The following ZEB2 variants were observed in gnomAD, a reference collection of about 807,000 sequenced individuals.
ZEB2 encodes zinc finger E-box-binding homeobox 2.
A neutral mutation model predicts 99.9 loss-of-function variants in ZEB2; 6 were observed. The ratio of observed to expected loss-of-function variants is 0.06; its 90% CI spans 0.03 to 0.12. The LOEUF is 0.12. Among genes scored for constraint, ZEB2 ranks in the 10% least tolerant of loss-of-function variants. The probability of loss-of-function intolerance (pLI) is 1.00; values close to 1 mark genes in which losing one functional copy is unlikely to be tolerated. For missense variants in ZEB2, 969 were observed against 1,502.8 expected, an observed-to-expected ratio of 0.64 and a Z score of 5.87; for synonymous variants, 517 against 542.5, an observed-to-expected ratio of 0.95 and a Z score of 0.65.
intron 2 of ZEB2, among the ~76,000 whole-genome samples, chr2:144,478,036 G>A (rs781657458): frequency 6.6e-6 from 1 of 152,078 alleles, no homozygotes; most frequent in Non-Finnish European, 1.5e-5. Context: ...GTTTCATCCC[G>A]TCACCCATGG....
intron 2 of ZEB2, among the ~76,000 whole-genome samples, chr2:144,466,001 T>G (rs1356406809): frequency 1.3e-5 from 2 of 152,142 alleles, no homozygotes; most frequent in Non-Finnish European, 2.9e-5. Context: ...AACTTTCCAG[T>G]CAAGTGGATC....
rs1703067247 is a variant in ZEB2, at chr2:144,385,360, T to TC, written c.*4090_*4091insG. 1.3e-5 allele frequency: 2 copies of TC among 151,370 alleles called. No individual in the cohort carries two copies. The highest frequency in any genetic ancestry group is 2.1e-4 in the South Asian group (1 of 4,834). 9.4% of individuals were successfully genotyped at this position (151,370 alleles called of 1,614,324 possible). On this transcript the variant is annotated 3_prime_UTR_variant, in exon 10 of 10. Coordinates refer to ENST00000627532, the MANE Select transcript of ZEB2 (RefSeq NM_014795.4). ...AAGGGAGCCATAACCTCAGCTGCCC[T>TC]ATAAAATCTATAATAAGGTGGTTTT...
intron 2 of ZEB2, among the ~76,000 whole-genome samples, chr2:144,448,394 G>A (rs768158506): frequency 5.9e-5 from 9 of 152,156 alleles, no homozygotes; most frequent in East Asian, 1.9e-4. Flanking sequence ...AATGCTAAAC[G>A]TTCAAGATGA....
chr2:144,418,848 A>G (rs1374275671), intron 4 of ZEB2, among the ~76,000 whole-genome samples: 1 of 152,124 alleles, frequency 6.6e-6, no homozygotes, highest in East Asian at 1.9e-4. Flanking sequence ...ATGAGGGAAA[A>G]AAAACTACAC....
At chr2:144,473,889 G>A (rs1450121618) in intron 2 of ZEB2, among the ~76,000 whole-genome samples, 3 of 152,160 alleles carry the variant, frequency 2.0e-5, no homozygotes, top group African/African-American at 7.2e-5. Context: ...TAAGATGTAC[G>A]TATGCAAAGT....
chr2:144,398,832 G>A lies in ZEB2; in HGVS notation c.2355C>T (p.Pro785=). 2 of 1,614,122 alleles carry A rather than the reference G, an allele frequency of 1.2e-6. No individual in the cohort carries two copies. Among genetic ancestry groups the A allele is most frequent in the Non-Finnish European group, 1.7e-6 (2 of 1,180,022 alleles). The change falls in exon 8 of 10, where the codon CCC becomes CCT. Residue 785 remains proline, a synonymous_variant. Coordinates refer to ENST00000627532, the MANE Select transcript of ZEB2 (RefSeq NM_014795.4). Reference sequence around the variant, plus strand: ...TAGAAGATGTGGAGGAAAGATTTAAGGGAGAAGGAGTATTACTCCTGGAGT... The same window carrying A: ...TAGAAGATGTGGAGGAAAGATTTAAAGGAGAAGGAGTATTACTCCTGGAGT... The part of the protein sequence containing the change: ...LDHSRSNTPS[P]LNLSSTSSKN...
chr2:144,446,641 T>C (rs1703989107), intron 2 of ZEB2, among the ~76,000 whole-genome samples: 1 of 152,124 alleles, frequency 6.6e-6, no homozygotes. Flanking sequence ...TAATAGTCAT[T>C]AATCAATCTA....
At chr2:144,470,171 A>C (rs929930234) in intron 2 of ZEB2, among the ~76,000 whole-genome samples, 1 of 152,220 alleles carries the variant, frequency 6.6e-6, no homozygotes, top group Non-Finnish European at 1.5e-5. Flanking sequence ...GATGCTATTT[A>C]ATCTCTCTCT....
chr2:144,515,500 A>G (rs1705117657), intron 2 of ZEB2, among the ~76,000 whole-genome samples: 5 of 151,108 alleles, frequency 3.3e-5, no homozygotes. Flanking sequence ...CACCAGAGTG[A>G]AAAAAAAATT....
intron 2 of ZEB2, among the ~76,000 whole-genome samples, chr2:144,441,164 CGA>C (rs113731061): frequency 0.051 from 4,499 of 88,800 alleles, 135 homozygotes; most frequent in African/African-American, 0.074. Context: ...TTTAGCTGCA[CGA>C]GAGAGAGAGA....
At chr2:144,493,157 G>GT (rs1704706514) in intron 2 of ZEB2, among the ~76,000 whole-genome samples, 1 of 150,960 alleles carries the variant, frequency 6.6e-6, no homozygotes, top group Admixed American at 6.6e-5. Flanking sequence ...TCTCCAAAGA[G>GT]TAAAAAAAAA....
chr2:144,497,421 A>G (rs1356036023), intron 2 of ZEB2, among the ~76,000 whole-genome samples: 1 of 152,178 alleles, frequency 6.6e-6, no homozygotes, highest in Non-Finnish European at 1.5e-5. Flanking sequence ...AAAATGAACA[A>G]ACACTGTAGT....
chr2:144,454,710 A>C (rs1488645575), intron 2 of ZEB2, among the ~76,000 whole-genome samples: 2 of 152,198 alleles, frequency 1.3e-5, no homozygotes. Flanking sequence ...TCTGACACCC[A>C]CATGACTGTC....
intron 7 of ZEB2, 62 bp downstream of exon 7, chr2:144,401,137 C>T: frequency 1.4e-6 from 2 of 1,456,660 alleles, no homozygotes; most frequent in Non-Finnish European, 1.9e-6. Context: ...TTTAAACAAT[C>T]TTTTAAAACT....
At chr2:144,421,922 TC>T (rs946786200) in intron 4 of ZEB2, among the ~76,000 whole-genome samples, 14 of 152,210 alleles carry the variant, frequency 9.2e-5, no homozygotes, top group African/African-American at 3.4e-4. Context: ...AATACTTGTG[TC>T]TAAAGGCTGG....
At chr2:144,422,136 T>C (rs1027328888) in intron 4 of ZEB2, among the ~76,000 whole-genome samples, 4 of 152,218 alleles carry the variant, frequency 2.6e-5, no homozygotes, top group Admixed American at 6.5e-5. Context: ...CACACCTGGA[T>C]AACTACAGTG....
Position 144,396,563 on chromosome 2 carries a change from G to A in ZEB2, c.2916C>T (p.Tyr972=). ...CTGTCATATCATCTAGGCCTGACAT[G>A]TAGTCTTGTGCTCCATCAAGCAATT... ...QGELLDGAQD[Y]MSGLDDMTDS... The change falls in exon 9 of 10, where the codon TAC becomes TAT. Residue 972 remains tyrosine (Y), a synonymous_variant. Transcript: ENST00000627532. The A allele has an allele frequency of 1.9e-6, 3 of 1,613,938 alleles. No homozygotes were observed. Among genetic ancestry groups the A allele is most frequent in the Non-Finnish European group, 1.7e-6 (2 of 1,179,996 alleles).
intron 6 of ZEB2, 123 bp downstream of exon 6, chr2:144,403,793 T>C: frequency 8.1e-7 from 1 of 1,239,944 alleles, no homozygotes; most frequent in Non-Finnish European, 1.2e-6. Flanking sequence ...ATTAAAGCTA[T>C]TACCATTAAA....
chr2:144,405,718 G>T (rs1573722954), intron 4 of ZEB2, among the ~76,000 whole-genome samples: 1 of 152,094 alleles, frequency 6.6e-6, no homozygotes, highest in African/African-American at 2.4e-5. Flanking sequence ...ACAGCTGATA[G>T]AAATAAAATA....
Sources: allele counts gnomAD v4.1 joint callset (sites outside exome capture counted in the v4.1 genomes callset), GRCh38; gene constraint gnomAD v4.1.1; transcripts MANE v1.5; gene names NCBI Gene and HGNC (gene_info 2026-07-23, HGNC 2026-07-21).